Variants in TBCK observed in about 807,000 individuals in gnomAD.
TBCK encodes the protein TBC1 domain containing kinase, also known as TBC domain-containing protein kinase-like protein.
TBCK carries 99 observed loss-of-function variants against 113.4 expected under a neutral mutation model. That is an observed-to-expected ratio of 0.87 (90% CI 0.74 to 1.03). The LOEUF (loss-of-function observed/expected upper bound fraction) is 1.03. Among genes scored for constraint, TBCK ranks in the 50% least tolerant of loss-of-function variants. The pLI, the probability that TBCK is intolerant of heterozygous loss-of-function variation, is 0.00. For synonymous variants in TBCK, 369 were observed against 370.8 expected (o/e 1.00, Z 0.05); for missense variants, 1,045 against 1,061.3 (o/e 0.98, Z 0.21).
At position 106,045,367 on chromosome 4, in the gene TBCK, C is replaced by A. The variant is rs940118437; in HGVS notation, c.*1203G>T. 4 of 151,972 alleles carry A rather than the reference C, an allele frequency of 2.6e-5. No homozygotes were observed. The highest frequency in any genetic ancestry group is 9.7e-5 in the African/African-American group (4 of 41,362). 9.4% of individuals were successfully genotyped at this position (151,972 alleles called of 1,614,324 possible). A position where few individuals can be genotyped will look rare whatever the true frequency, so the allele number is the denominator to read the frequency against. ...TGGCTTCATTTTTTCTTTGTGGTAC[C>A]TAAAATTGTGAGATGTCTTAGATTT... On this transcript the variant is annotated 3_prime_UTR_variant, in exon 26 of 26. Transcript: ENST00000394708.
At chr4:106,185,844 G>A (rs373727713) in intron 22 of TBCK, among the ~76,000 whole-genome samples, 2 of 152,046 alleles carry the variant, frequency 1.3e-5, no homozygotes, top group East Asian at 1.9e-4. Flanking sequence ...AATTAGCATA[G>A]AACCCAATAG....
chr4:106,285,888 AATTG>A (rs1359907967), intron 3 of TBCK, among the ~76,000 whole-genome samples: 3 of 152,244 alleles, frequency 2.0e-5, no homozygotes, highest in African/African-American at 7.2e-5. Context: ...CAGGTTATAA[AATTG>A]ATTAAAATTG....
intron 24 of TBCK, among the ~76,000 whole-genome samples, chr4:106,113,696 C>G (rs562178009): frequency 2.6e-5 from 4 of 152,260 alleles, no homozygotes; most frequent in Admixed American, 1.3e-4. Context: ...CTGGACAGGA[C>G]GCTGAAGAAG....
At position 106,093,989 on chromosome 4, in the gene TBCK, T is replaced by C. The variant is rs181922993; in HGVS notation, c.2571+1493A>G. ...TGGGGGAGGCTGATAATGGGAAAGG[T>C]TGTGCATGTGTGGGGTAGTGGTATA... On this transcript the variant is annotated intron_variant, in intron 25 of 25. Transcript: ENST00000394708. Among the ~76,000 whole-genome samples the C allele has an allele frequency of 3.4e-4, 52 of 152,188 alleles. 1 individual carries two copies. The highest frequency in any genetic ancestry group is 3.4e-3 in the Middle Eastern group (1 of 294).
At chr4:106,072,041 CTT>C (rs1410648143) in intron 25 of TBCK, among the ~76,000 whole-genome samples, 2 of 152,170 alleles carry the variant, frequency 1.3e-5, no homozygotes, top group African/African-American at 4.8e-5. Context: ...GGTATTGACT[CTT>C]TATCCAATTT....
intron 5 of TBCK, 49 bp from the exon 6 acceptor site, chr4:106,252,056 G>T (rs376507523): frequency 4.1e-6 from 6 of 1,457,598 alleles, no homozygotes; most frequent in Non-Finnish European, 3.7e-6. Flanking sequence ...GGAAAGAAGC[G>T]ATAGTACATT....
intron 20 of TBCK, among the ~76,000 whole-genome samples, chr4:106,199,811 C>T (rs529391767): frequency 3.3e-5 from 5 of 152,260 alleles, no homozygotes; most frequent in South Asian, 2.1e-4. Flanking sequence ...TATCTTGATT[C>T]GAGCCAACAT....
chr4:106,316,525 A>G, upstream of TBCK: 3 of 1,551,554 alleles, frequency 1.9e-6, no homozygotes, highest in Non-Finnish European at 2.6e-6. Context: ...TCACTGCTAT[A>G]GTACGCGGGT....
At chr4:106,102,477 G>A (rs1741670908) in intron 24 of TBCK, among the ~76,000 whole-genome samples, 2 of 152,134 alleles carry the variant, frequency 1.3e-5, no homozygotes, top group South Asian at 2.1e-4. Context: ...GGGCTTGGTG[G>A]TAGTAGTGAG....
chr4:106,278,558 C>CAAA lies in TBCK; in HGVS notation c.267-16349_267-16347dup, dbSNP rs376599844. On this transcript the variant is annotated intron_variant, in intron 3 of 25. Coordinates refer to ENST00000394708, the MANE Select transcript of TBCK (RefSeq NM_001163435.3). The stretch of plus-strand genomic sequence containing the variant: ...TGGGCAACAGAGTGAAACTCTGTCT[C>CAAA]AAAAAAAAAAAAAAAAAAAAAAAAA... Among the ~76,000 whole-genome samples the CAAA allele has an allele frequency of 4.1e-3, 91 of 22,138 alleles. 10 individuals are homozygous for CAAA. Among genetic ancestry groups the CAAA allele is most frequent in the African/African-American group, 0.011 (63 of 5,992 alleles). 14.5% of individuals were successfully genotyped at this position (22,138 alleles called of 152,430 possible).
chr4:106,200,786 G>A (rs1294008975), intron 20 of TBCK, among the ~76,000 whole-genome samples: 1 of 151,930 alleles, frequency 6.6e-6, no homozygotes, highest in Non-Finnish European at 1.5e-5. Context: ...AATATTTGTT[G>A]AAAGGATCAA....
intron 9 of TBCK, chr4:106,247,582 T>C (rs1298235967): frequency 8.8e-6 from 2 of 227,234 alleles, no homozygotes; most frequent in Non-Finnish European, 1.7e-5. Context: ...TCACCTGCTT[T>C]ACTGAATATC....
At chr4:106,294,143 G>C (rs955736138) in intron 3 of TBCK, among the ~76,000 whole-genome samples, 3 of 152,006 alleles carry the variant, frequency 2.0e-5, no homozygotes, top group African/African-American at 7.2e-5. Flanking sequence ...TGTGTCCCTA[G>C]GAATACAAGT....
At chr4:106,273,039 T>C (rs547374076) in intron 3 of TBCK, among the ~76,000 whole-genome samples, 2 of 152,186 alleles carry the variant, frequency 1.3e-5, no homozygotes, top group Admixed American at 1.3e-4. Flanking sequence ...ACCACTACTA[T>C]AAGTATAGCC....
Position 106,116,390 on chromosome 4 carries a change from A to T in TBCK, c.2236-12T>A, listed in dbSNP as rs745499787. On this transcript the variant is annotated splice_polypyrimidine_tract_variant and intron_variant, in intron 23 of 25. Coordinates refer to ENST00000394708, the MANE Select transcript of TBCK (RefSeq NM_001163435.3). ...ATGGATTCTCTTGACTGAAAAAAAA[A>T]ATGTACAAAAAAAAATATTGAGAAT... The T allele has an allele frequency of 3.1e-6, 5 of 1,595,158 alleles. No individual in the cohort carries two copies. Among genetic ancestry groups the T allele is most frequent in the African/African-American group, 1.4e-5 (1 of 73,660 alleles).
At chr4:106,049,822 G>C (rs1050465701) in intron 25 of TBCK, among the ~76,000 whole-genome samples, 1 of 152,022 alleles carries the variant, frequency 6.6e-6, no homozygotes, top group African/African-American at 2.4e-5. Context: ...CAATAACAAG[G>C]TTTGTTGCAG....
At chr4:106,316,357 G>C (rs1768871519), upstream of TBCK, 1 of 538,598 alleles carries the variant, frequency 1.9e-6, no homozygotes, top group Non-Finnish European at 3.4e-6. Context: ...GCGGGGGGAC[G>C]GGGGGGGTCG....
At chr4:106,263,683 T>C (rs1051411071) in intron 3 of TBCK, among the ~76,000 whole-genome samples, 4 of 151,904 alleles carry the variant, frequency 2.6e-5, no homozygotes, top group Non-Finnish European at 4.4e-5. Context: ...CTTTAAAAAA[T>C]ACTAGATTGA....
At chr4:106,199,874 T>C (rs56329826) in intron 20 of TBCK, among the ~76,000 whole-genome samples, 28,362 of 152,148 alleles carry the variant, frequency 0.19, 2,659 homozygotes, top group South Asian at 0.25. Context: ...CTAGATTCCA[T>C]TCTTGCCCAT....
Sources: gnomAD v4.1 joint callset for allele counts (sites outside exome capture counted in the v4.1 genomes callset) on GRCh38, gnomAD v4.1.1 for gene constraint, MANE v1.5 for transcripts, NCBI Gene and HGNC (gene_info 2026-07-23, HGNC 2026-07-21) for gene names.